The following MYO3A variants were observed in gnomAD, a reference collection of about 807,000 sequenced individuals.
MYO3A encodes the protein myosin-IIIa.
A neutral mutation model predicts 192.7 loss-of-function variants in MYO3A; 180 were observed. The ratio of observed to expected loss-of-function variants is 0.93; its 90% CI spans 0.83 to 1.06. The LOEUF (loss-of-function observed/expected upper bound fraction) is 1.06. MYO3A is among the 50% of genes least tolerant of loss of function. The pLI, the probability that MYO3A is intolerant of heterozygous loss-of-function variation, is 0.00. For synonymous variants in MYO3A, 628 were observed against 645.3 expected (o/e 0.97, Z 0.41); for missense variants, 1,896 against 1,905.0 (o/e 1.00, Z 0.09).
At chr10:26,064,430 T>G (rs765258059) in intron 10 of MYO3A, among the ~76,000 whole-genome samples, 6 of 152,096 alleles carry the variant, frequency 3.9e-5, no homozygotes, top group Admixed American at 6.5e-5. Flanking sequence ...AATAGGGGTA[T>G]TGAGGGAGGC....
intron 31 of MYO3A, among the ~76,000 whole-genome samples, chr10:26,184,106 C>A (rs1323976871): frequency 6.6e-6 from 1 of 152,108 alleles, no homozygotes; most frequent in African/African-American, 2.4e-5. Context: ...AGGAAGGAGG[C>A]CATGCAAGGC....
chr10:26,180,725 A>G (rs1050863248), intron 31 of MYO3A, among the ~76,000 whole-genome samples: 1 of 144,916 alleles, frequency 6.9e-6, no homozygotes. Context: ...AAAAAAAAAA[A>G]TCAATACCTT....
At chr10:26,085,548 A>G (rs1010010290) in intron 14 of MYO3A, among the ~76,000 whole-genome samples, 1 of 151,968 alleles carries the variant, frequency 6.6e-6, no homozygotes, top group Non-Finnish European at 1.5e-5. Flanking sequence ...TAATTTCCAC[A>G]TATTTGATCA....
At chr10:26,006,771 G>A (rs1564452700) in intron 6 of MYO3A, among the ~76,000 whole-genome samples, 3 of 151,394 alleles carry the variant, frequency 2.0e-5, no homozygotes. Flanking sequence ...TCCAGGACCA[G>A]ATGGATTCAC....
rs139675957 is a variant in MYO3A, at chr10:26,173,697, A to G, written c.3433A>G (p.Ile1145Val). Residue 1145 changes from isoleucine (I) to valine (V), a missense_variant, in exon 30 of 35, where the codon ATC (isoleucine) becomes GTC (valine). By Grantham distance (29) the Ile-to-Val change is conservative. Coordinates refer to ENST00000642920, the MANE Select transcript of MYO3A (RefSeq NM_017433.5). ...CGTGAAGAAACAAGCAGAAAATGCAATCTCTGCTAATGAAAGATTCATTTC... is the reference window on the plus strand; with the variant it reads ...CGTGAAGAAACAAGCAGAAAATGCAGTCTCTGCTAATGAAAGATTCATTTC... ...SFVKKQAENA[I>V]SANERFISAP... is the part of the protein sequence containing the mutation. The G allele has an allele frequency of 5.0e-6, 8 of 1,613,792 alleles. No homozygotes were observed. The highest frequency in any genetic ancestry group is 2.2e-5 in the East Asian group (1 of 44,890).
intron 33 of MYO3A, among the ~76,000 whole-genome samples, chr10:26,202,196 C>T (rs1225147339): frequency 1.3e-5 from 2 of 152,186 alleles, no homozygotes; most frequent in East Asian, 1.9e-4. Flanking sequence ...CAAACAAGAG[C>T]GTTTCTATTA....
At position 26,023,729 on chromosome 10, in the gene MYO3A, G is replaced by T. The variant is rs536720255; in HGVS notation, c.732-293G>T. ...GTATCTATTGTTTCTATTCTGTTAA[G>T]TATTGATGTTTCCCCCTAGAGCTAA... On this transcript the variant is annotated intron_variant, in intron 8 of 34. Transcript: ENST00000642920. Among the ~76,000 whole-genome samples the T allele has an allele frequency of 6.6e-5, 10 of 152,232 alleles. No individual in the cohort carries two copies. In the South Asian group the frequency reaches 2.1e-3, roughly 32 times the overall value.
Position 26,133,479 on chromosome 10 carries a change from C to T in MYO3A, c.2262+4941C>T, listed in dbSNP as rs1467625763. Among the ~76,000 whole-genome samples, 11 of 152,312 alleles carry T rather than the reference C, an allele frequency of 7.2e-5. No individual in the cohort carries two copies. In the East Asian group the frequency reaches 1.3e-3, roughly 19 times the overall value. ...GTTCCTCATCCCTGCTAGGCAGCTG[C>T]GTAGCACACTTAGTCTGTTTCTCTT... On this transcript the variant is annotated intron_variant, in intron 20 of 34. Coordinates refer to ENST00000642920, the MANE Select transcript of MYO3A (RefSeq NM_017433.5).
At chr10:26,009,785 G>A (rs572400056) in intron 6 of MYO3A, among the ~76,000 whole-genome samples, 1 of 152,174 alleles carries the variant, frequency 6.6e-6, no homozygotes, top group Non-Finnish European at 1.5e-5. Context: ...TGTAAAACAA[G>A]TATTTTGGAC....
At chr10:26,029,412 G>T (rs1393904657) in intron 10 of MYO3A, among the ~76,000 whole-genome samples, 1 of 152,088 alleles carries the variant, frequency 6.6e-6, no homozygotes, top group Non-Finnish European at 1.5e-5. Context: ...TACCTCACAT[G>T]TCTTGCAATT....
Position 26,021,621 on chromosome 10 carries a change from C to G in MYO3A, c.704C>G (p.Pro235Arg). Residue 235 changes from proline to arginine, a missense_variant, in exon 8 of 35, where the codon CCC (proline) becomes CGC (arginine). Transcript: ENST00000642920. Reference sequence around the variant, plus strand: ...GATCCTCCACTAGCTGACCTTCATCCCATGAGAGCACTCTTCAAAATACCA... The same window carrying G: ...GATCCTCCACTAGCTGACCTTCATCGCATGAGAGCACTCTTCAAAATACCA... ...DGDPPLADLH[P>R]MRALFKIPRN... is the part of the protein sequence containing the mutation. The G allele has an allele frequency of 6.2e-7, 1 of 1,614,094 alleles. No homozygotes were observed. Among genetic ancestry groups the G allele is most frequent in the Non-Finnish European group, 8.5e-7 (1 of 1,179,980 alleles).
chr10:26,048,268 A>G (rs1363854975), intron 10 of MYO3A, among the ~76,000 whole-genome samples: 2 of 151,992 alleles, frequency 1.3e-5, no homozygotes, highest in Non-Finnish European at 2.9e-5. Flanking sequence ...CTCTGAAAAA[A>G]AGTATTATAT....
chr10:26,096,332 C>A, intron 15 of MYO3A, 49 bp from the exon 16 acceptor site: 3 of 1,319,612 alleles, frequency 2.3e-6, no homozygotes, highest in Non-Finnish European at 3.3e-6. Flanking sequence ...GTAACTTAAG[C>A]AAGAAATGTT....
chr10:25,936,641 G>A (rs1039722576), intron 2 of MYO3A, among the ~76,000 whole-genome samples: 2 of 152,086 alleles, frequency 1.3e-5, no homozygotes, highest in East Asian at 1.9e-4. Context: ...CTACTTTGGC[G>A]ACACATTGGG....
chr10:26,099,706 A>T (rs1272106809), intron 17 of MYO3A, among the ~76,000 whole-genome samples: 1 of 152,180 alleles, frequency 6.6e-6, no homozygotes, highest in Non-Finnish European at 1.5e-5. Flanking sequence ...TATATGCTGG[A>T]TTACATATAT....
intron 19 of MYO3A, among the ~76,000 whole-genome samples, chr10:26,126,968 C>T (rs975676631): frequency 6.6e-6 from 1 of 152,018 alleles, no homozygotes; most frequent in Non-Finnish European, 1.5e-5. Context: ...AGACTTTAAA[C>T]GGTATATGTT....
intron 14 of MYO3A, among the ~76,000 whole-genome samples, chr10:26,079,279 C>G (rs1835777587): frequency 6.6e-6 from 1 of 151,538 alleles, no homozygotes; most frequent in African/African-American, 2.4e-5. Context: ...CTCTTTGTCT[C>G]TTTTAAAGTT....
chr10:26,067,999 A>C (rs1254489741), intron 11 of MYO3A, among the ~76,000 whole-genome samples: 3 of 152,156 alleles, frequency 2.0e-5, no homozygotes, highest in African/African-American at 7.2e-5. Context: ...ACATCTTGAA[A>C]TCAAATCATG....
intron 31 of MYO3A, among the ~76,000 whole-genome samples, chr10:26,186,916 G>A (rs989562589): frequency 1.3e-5 from 2 of 151,962 alleles, no homozygotes; most frequent in South Asian, 4.1e-4. Context: ...TATGACTTCT[G>A]AATCTTGATA....
Sources: gnomAD v4.1 joint callset for allele counts (sites outside exome capture counted in the v4.1 genomes callset) on GRCh38, gnomAD v4.1.1 for gene constraint, MANE v1.5 for transcripts, NCBI Gene and HGNC (gene_info 2026-07-23, HGNC 2026-07-21) for gene names.